The following DLG2 variants were observed in gnomAD, a reference collection of about 807,000 sequenced individuals.
The protein encoded by DLG2 is discs large MAGUK scaffold protein 2, also known as disks large homolog 2.
Under a neutral mutation model 132.5 loss-of-function variants are expected in DLG2, and 45 were observed. The ratio of observed to expected loss-of-function variants is 0.34; its 90% confidence interval spans 0.27 to 0.44. The LOEUF (loss-of-function observed/expected upper bound fraction) is 0.44, where lower values mean the gene tolerates loss of function less well. Among genes scored for constraint, DLG2 ranks in the 20% least tolerant of loss-of-function variants. The pLI, the probability that DLG2 is intolerant of heterozygous loss-of-function variation, is 1.00. For synonymous variants in DLG2, 424 were observed against 419.6 expected (o/e 1.01, Z -0.13); for missense variants, 1,045 against 1,196.9 (o/e 0.87, Z 1.87).
At chr11:85,136,607 T>C (rs2076160187) in intron 5 of DLG2, among the ~76,000 whole-genome samples, 1 of 152,208 alleles carries the variant, frequency 6.6e-6, no homozygotes. Context: ...GATCTAAAAC[T>C]AGAAATATAT....
intron 7 of DLG2, among the ~76,000 whole-genome samples, chr11:84,519,306 G>A (rs1331702807): frequency 6.6e-6 from 1 of 152,160 alleles, no homozygotes; most frequent in Non-Finnish European, 1.5e-5. Flanking sequence ...TATGGAAAGT[G>A]TATCATCATT....
chr11:85,531,003 G>A (rs753281438), intron 3 of DLG2, among the ~76,000 whole-genome samples: 8 of 151,974 alleles, frequency 5.3e-5, no homozygotes, highest in South Asian at 2.1e-4. Flanking sequence ...TATTTCCCTC[G>A]TAAATAAAAT....
chr11:84,578,179 G>C (rs542657351), intron 6 of DLG2, among the ~76,000 whole-genome samples: 2 of 152,316 alleles, frequency 1.3e-5, no homozygotes, highest in Admixed American at 1.3e-4. Flanking sequence ...GGCCCTCATA[G>C]AGAACCACTG....
intron 6 of DLG2, among the ~76,000 whole-genome samples, chr11:84,641,991 G>A (rs1327933989): frequency 6.8e-6 from 1 of 148,110 alleles, no homozygotes; most frequent in African/African-American, 2.5e-5. Context: ...GTGTGTATGT[G>A]TGTGTGGATA....
Position 84,660,980 on chromosome 11 carries a change from G to A in DLG2, c.358-126249C>T, listed in dbSNP as rs550175116. Among the ~76,000 whole-genome samples the A allele has an allele frequency of 3.3e-5, 5 of 152,272 alleles. 1 individual carries two copies. Among genetic ancestry groups the A allele is most frequent in the African/African-American group, 9.6e-5 (4 of 41,560 alleles). ...TATAAAGAATACATTACAGTTTAAT[G>A]TGGGAGTGGGAGGATCTAATTCAAT... is the stretch of plus-strand genomic sequence containing the variant. On this transcript the variant is annotated intron_variant, in intron 6 of 27. Coordinates refer to ENST00000376104, the MANE Select transcript of DLG2 (RefSeq NM_001142699.3).
At chr11:84,493,446 C>A (rs955697376) in intron 7 of DLG2, among the ~76,000 whole-genome samples, 2 of 152,092 alleles carry the variant, frequency 1.3e-5, no homozygotes, top group Non-Finnish European at 2.9e-5. Flanking sequence ...ATTCCACCCC[C>A]TTCCCATCCT....
intron 2 of DLG2, among the ~76,000 whole-genome samples, chr11:85,608,964 G>A (rs2080791801): frequency 6.6e-6 from 1 of 152,162 alleles, no homozygotes; most frequent in Admixed American, 6.6e-5. Flanking sequence ...ATGATAGAAT[G>A]ACAGCTGAGG....
intron 6 of DLG2, among the ~76,000 whole-genome samples, chr11:84,859,371 TAC>T (rs1367544375): frequency 1.4e-5 from 2 of 146,058 alleles, no homozygotes; most frequent in East Asian, 4.0e-4. Flanking sequence ...TATGTATATA[TAC>T]ACATATATAT....
intron 6 of DLG2, among the ~76,000 whole-genome samples, chr11:84,632,149 G>C (rs959449766): frequency 1.2e-4 from 18 of 152,202 alleles, no homozygotes; most frequent in East Asian, 3.9e-4. Flanking sequence ...AGTTTGCTGT[G>C]TTGAAATACT....
intron 6 of DLG2, among the ~76,000 whole-genome samples, chr11:84,810,321 G>T (rs561870760): frequency 6.6e-6 from 1 of 152,120 alleles, no homozygotes; most frequent in South Asian, 2.1e-4. Flanking sequence ...TTCACCAGAG[G>T]AAATACAGAT....
intron 3 of DLG2, among the ~76,000 whole-genome samples, chr11:85,459,947 T>C (rs2092551856): frequency 6.6e-6 from 1 of 152,116 alleles, no homozygotes; most frequent in African/African-American, 2.4e-5. Flanking sequence ...GTACAGGAGA[T>C]CTGTACCACT....
At chr11:84,013,934 C>T (rs2095034131) in intron 11 of DLG2, among the ~76,000 whole-genome samples, 1 of 147,322 alleles carries the variant, frequency 6.8e-6, no homozygotes, top group African/African-American at 2.5e-5. Flanking sequence ...AACCAAAACT[C>T]ATAACTGTCT....
At chr11:84,240,674 G>A (rs2097214991) in intron 8 of DLG2, among the ~76,000 whole-genome samples, 1 of 152,164 alleles carries the variant, frequency 6.6e-6, no homozygotes. Flanking sequence ...AAAAGGCATT[G>A]TGGACTAATT....
At chr11:83,645,632 G>GA (rs2067939585) in intron 18 of DLG2, 1 of 152,120 alleles carries the variant, frequency 6.6e-6, no homozygotes, top group African/African-American at 2.4e-5. Context: ...AATAATTTAA[G>GA]AAAAAATCCC....
chr11:84,709,906 TCTGA>T (rs774948746), intron 6 of DLG2, among the ~76,000 whole-genome samples: 4 of 151,968 alleles, frequency 2.6e-5, no homozygotes, highest in African/African-American at 7.2e-5. Flanking sequence ...TGAGATTTAC[TCTGA>T]CTAACTCCTA....
At chr11:84,394,266 C>T (rs2098803288) in intron 7 of DLG2, among the ~76,000 whole-genome samples, 1 of 151,116 alleles carries the variant, frequency 6.6e-6, no homozygotes, top group South Asian at 2.1e-4. Flanking sequence ...TCTAGGATCA[C>T]TTTCCTTCTG....
intron 7 of DLG2, among the ~76,000 whole-genome samples, chr11:84,342,971 A>C (rs1430250244): frequency 6.6e-6 from 1 of 152,234 alleles, no homozygotes; most frequent in African/African-American, 2.4e-5. Flanking sequence ...CCCAGGCACC[A>C]GGGATGACAC....
At chr11:84,350,724 C>T (rs1376144460) in intron 7 of DLG2, among the ~76,000 whole-genome samples, 2 of 152,174 alleles carry the variant, frequency 1.3e-5, no homozygotes, top group East Asian at 3.8e-4. Flanking sequence ...CTACTTATAA[C>T]CTGCCATGTT....
chr11:85,051,877 T>C (rs1001711978), intron 6 of DLG2, among the ~76,000 whole-genome samples: 6 of 152,182 alleles, frequency 3.9e-5, no homozygotes, highest in African/African-American at 7.2e-5. Context: ...TAAGTGATAA[T>C]AGACCCTCAA....
Sources: allele counts gnomAD v4.1 joint callset (sites outside exome capture counted in the v4.1 genomes callset), GRCh38; gene constraint gnomAD v4.1.1; transcripts MANE v1.5; gene names NCBI Gene and HGNC (gene_info 2026-07-23, HGNC 2026-07-21).